SIPA1L1: variants seen among roughly 807,000 people sequenced by gnomAD.
SIPA1L1 encodes signal induced proliferation associated 1 like 1, also known as signal-induced proliferation-associated 1-like protein 1.
SIPA1L1 carries 26 observed loss-of-function variants against 162.7 expected under a neutral mutation model. The ratio of observed to expected loss-of-function variants is 0.16; its 90% CI spans 0.12 to 0.22. SIPA1L1 has a LOEUF of 0.22. Among genes scored for constraint, SIPA1L1 ranks in the 10% least tolerant of loss-of-function variants. The probability of loss-of-function intolerance (pLI) is 1.00; values close to 1 mark genes in which losing one functional copy is unlikely to be tolerated. For missense variants in SIPA1L1, 1,874 were observed against 2,241.0 expected, an observed-to-expected ratio of 0.84 and a Z score of 3.31; for synonymous variants, 829 against 837.4, an observed-to-expected ratio of 0.99 and a Z score of 0.17.
intron 4 of SIPA1L1, among the ~76,000 whole-genome samples, chr14:71,558,392 A>G (rs2056518763): frequency 6.6e-6 from 1 of 152,190 alleles, no homozygotes; most frequent in Non-Finnish European, 1.5e-5. Flanking sequence ...TCTGGATAAC[A>G]TCAAGAGTGA....
intron 2 of SIPA1L1, among the ~76,000 whole-genome samples, chr14:71,387,266 A>G (rs2040406702): frequency 6.6e-6 from 1 of 150,688 alleles, no homozygotes; most frequent in Non-Finnish European, 1.5e-5. Context: ...AAAAAAAAAA[A>G]AAAAAAAAAA....
chr14:71,710,009 T>C (rs2082744314), intron 17 of SIPA1L1, among the ~76,000 whole-genome samples: 2 of 152,232 alleles, frequency 1.3e-5, no homozygotes, highest in South Asian at 4.1e-4. Context: ...GGACAAGCTT[T>C]TGAAGACTAT....
At chr14:71,691,634 C>T (rs2081262800) in intron 13 of SIPA1L1, among the ~76,000 whole-genome samples, 1 of 152,024 alleles carries the variant, frequency 6.6e-6, no homozygotes, top group Non-Finnish European at 1.5e-5. Flanking sequence ...TTCCCTTTTC[C>T]CCTATCATCG....
At chr14:71,726,545 A>AT (rs1175515734) in intron 19 of SIPA1L1, among the ~76,000 whole-genome samples, 1 of 152,208 alleles carries the variant, frequency 6.6e-6, no homozygotes, top group African/African-American at 2.4e-5. Flanking sequence ...CAAATGTCTG[A>AT]TTTTGTCCTT....
intron 4 of SIPA1L1, among the ~76,000 whole-genome samples, chr14:71,571,808 ATTTT>A (rs529764911): frequency 1.2e-4 from 15 of 128,018 alleles, no homozygotes; most frequent in Non-Finnish European, 1.7e-4. Context: ...TGCCTGGCTC[ATTTT>A]TTTTTTTTTT....
At position 71,511,192 on chromosome 14, in the gene SIPA1L1, A is replaced by G. The variant is rs745327995; in HGVS notation, c.-464-1551A>G. On this transcript the variant is annotated intron_variant, in intron 2 of 23. Transcript: ENST00000381232. Reference sequence around the variant, plus strand: ...TGTTGCCTAGTGTGACATAAGAAGTATATGTTTAGTCTCTGACCTGGGTTC... The same window carrying G: ...TGTTGCCTAGTGTGACATAAGAAGTGTATGTTTAGTCTCTGACCTGGGTTC... Among the ~76,000 whole-genome samples, 88 of 152,188 alleles carry G rather than the reference A, an allele frequency of 5.8e-4. 1 individual carries two copies. The highest frequency in any genetic ancestry group is 2.0e-4 in the Admixed American group (3 of 15,280).
chr14:71,496,112 G>A (rs1355733001), intron 2 of SIPA1L1, among the ~76,000 whole-genome samples: 1 of 150,268 alleles, frequency 6.7e-6, no homozygotes, highest in African/African-American at 2.4e-5. Flanking sequence ...TTTAGCCACA[G>A]CTTTAGCTGC....
intron 4 of SIPA1L1, among the ~76,000 whole-genome samples, chr14:71,559,440 T>G (rs117056769): frequency 1.4e-3 from 209 of 152,332 alleles, no homozygotes; most frequent in Non-Finnish European, 2.5e-3. Flanking sequence ...AGGTACTTTT[T>G]ATAGATTTTC....
chr14:71,574,788 G>C (rs2032726785), intron 4 of SIPA1L1: 1 of 151,872 alleles, frequency 6.6e-6, no homozygotes, highest in Non-Finnish European at 1.5e-5. Flanking sequence ...TTTTTTTCTA[G>C]TTAATAAGAG....
rs563537120 is a variant in SIPA1L1, at chr14:71,511,282, C to T, written c.-464-1461C>T. Among the ~76,000 whole-genome samples the T allele has an allele frequency of 2.0e-3, 308 of 152,010 alleles. 2 individuals are homozygous for T. In the Middle Eastern group the frequency reaches 0.034, roughly 17 times the overall value. ...AGGGTATGACAGGAGCATTTTCAGC[C>T]CCCCTCCCCCGCCTTTCCTTTTGAG... On this transcript the variant is annotated intron_variant, in intron 2 of 23. Transcript: ENST00000381232.
At chr14:71,333,603 C>T (rs1370309164) in intron 2 of SIPA1L1, among the ~76,000 whole-genome samples, 1 of 152,196 alleles carries the variant, frequency 6.6e-6, no homozygotes, top group Non-Finnish European at 1.5e-5. Context: ...TTACTACATA[C>T]TAGTTGTGTG....
intron 2 of SIPA1L1, among the ~76,000 whole-genome samples, chr14:71,419,423 A>G (rs1056629712): frequency 3.4e-5 from 5 of 147,576 alleles, no homozygotes; most frequent in Non-Finnish European, 5.9e-5. Context: ...CTTTTGGGCC[A>G]GGGGTGATGG....
intron 2 of SIPA1L1, among the ~76,000 whole-genome samples, chr14:71,422,005 A>G (rs1365413180): frequency 6.6e-6 from 1 of 152,256 alleles, no homozygotes; most frequent in Non-Finnish European, 1.5e-5. Context: ...ATCCCAGCAC[A>G]GTGGGAAAGG....
intron 12 of SIPA1L1, among the ~76,000 whole-genome samples, chr14:71,676,726 T>G (rs1307980753): frequency 2.0e-5 from 3 of 149,888 alleles, no homozygotes; most frequent in Non-Finnish European, 4.4e-5. Context: ...ACATGTGGTG[T>G]TTGGTTTTTT....
intron 17 of SIPA1L1, among the ~76,000 whole-genome samples, chr14:71,716,567 T>A (rs1024069091): frequency 6.6e-6 from 1 of 152,164 alleles, no homozygotes; most frequent in Non-Finnish European, 1.5e-5. Flanking sequence ...TATGATGATC[T>A]CAGTGACGAT....
chr14:71,547,537 G>C (rs531126855), intron 4 of SIPA1L1, among the ~76,000 whole-genome samples: 3 of 151,978 alleles, frequency 2.0e-5, no homozygotes, highest in African/African-American at 7.3e-5. Flanking sequence ...CAGGTGATCC[G>C]TGCGCGTTGG....
intron 2 of SIPA1L1, among the ~76,000 whole-genome samples, chr14:71,375,060 G>T (rs1385877678): frequency 1.3e-5 from 2 of 152,020 alleles, no homozygotes; most frequent in Non-Finnish European, 2.9e-5. Context: ...TATTCTTATA[G>T]AACTATAACA....
intron 17 of SIPA1L1, among the ~76,000 whole-genome samples, chr14:71,711,930 G>T (rs1369996753): frequency 6.6e-6 from 1 of 152,182 alleles, no homozygotes; most frequent in Non-Finnish European, 1.5e-5. Flanking sequence ...CTAGACTCTG[G>T]TAAGTAGGGA....
At position 71,330,001 on chromosome 14, in the gene SIPA1L1, C is replaced by G. The variant is rs546801679; in HGVS notation, c.-465+8820C>G. On this transcript the variant is annotated intron_variant, in intron 2 of 23. Coordinates refer to ENST00000381232, the MANE Select transcript of SIPA1L1 (RefSeq NM_001386936.1). ...GCCAGGCCAGTCAGATAGAAAATCC[C>G]CAAGATTCTTTTGGCGACTGATTTC... Among the ~76,000 whole-genome samples the G allele has an allele frequency of 2.6e-5, 4 of 152,190 alleles. No homozygotes were observed. In the East Asian group the frequency reaches 7.7e-4, roughly 29 times the overall value.
Sources: gnomAD v4.1 joint callset for allele counts (sites outside exome capture counted in the v4.1 genomes callset) on GRCh38, gnomAD v4.1.1 for gene constraint, MANE v1.5 for transcripts, NCBI Gene and HGNC (gene_info 2026-07-23, HGNC 2026-07-21) for gene names.